Variants in TRIQK observed in about 807,000 individuals in gnomAD.
The protein encoded by TRIQK is triple QxxK/R motif-containing protein.
A neutral mutation model predicts 10.8 loss-of-function variants in TRIQK; 10 were observed. The observed-to-expected ratio is 0.92, with a 90% CI of 0.57 to 1.57. The LOEUF (loss-of-function observed/expected upper bound fraction) is 1.57, where lower values mean the gene tolerates loss of function less well. Ranked by LOEUF, TRIQK falls within the 40% of genes most tolerant of loss-of-function variation. The pLI, the probability that TRIQK is intolerant of heterozygous loss-of-function variation, is 0.00. For missense variants in TRIQK, 107 were observed against 97.7 expected (o/e 1.09, Z -0.40); for synonymous variants, 33 against 33.7 (o/e 0.98, Z 0.07).
At chr8:92,991,478 G>T (rs1207625021) in intron 1 of TRIQK, among the ~76,000 whole-genome samples, 1 of 152,136 alleles carries the variant, frequency 6.6e-6, no homozygotes, top group Non-Finnish European at 1.5e-5. Context: ...TCCAGCAGGG[G>T]TCGACTAGGT....
intron 3 of TRIQK, among the ~76,000 whole-genome samples, chr8:92,905,060 T>A (rs2130371763): frequency 6.6e-6 from 1 of 152,306 alleles, no homozygotes; most frequent in South Asian, 2.1e-4. Context: ...ACTCTTCTAC[T>A]AGGTATATGT....
chr8:92,941,047 T>C (rs7006482), intron 2 of TRIQK: 25,791 of 151,974 alleles, frequency 0.17, 2,414 homozygotes, highest in African/African-American at 0.25. Context: ...ATGAAGAAAT[T>C]AAAAGGGAAA....
intron 3 of TRIQK, among the ~76,000 whole-genome samples, chr8:92,916,534 T>C (rs1809858183): frequency 6.6e-6 from 1 of 152,086 alleles, no homozygotes; most frequent in Admixed American, 6.6e-5. Flanking sequence ...TTAGCATATT[T>C]TACAGGAGAA....
intron 1 of TRIQK, among the ~76,000 whole-genome samples, chr8:92,995,083 T>G (rs1244239523): frequency 1.3e-5 from 2 of 152,052 alleles, no homozygotes; most frequent in Non-Finnish European, 2.9e-5. Context: ...AATTCATTCC[T>G]TATTTGTTAG....
chr8:92,994,332 A>T (rs182344510), intron 1 of TRIQK, among the ~76,000 whole-genome samples: 2 of 151,116 alleles, frequency 1.3e-5, no homozygotes, highest in Non-Finnish European at 2.9e-5. Context: ...ATATATCCCT[A>T]GTGTCTATCT....
chr8:92,939,489 G>A (rs1037127317), intron 2 of TRIQK, among the ~76,000 whole-genome samples: 19 of 152,178 alleles, frequency 1.2e-4, no homozygotes, highest in Non-Finnish European at 2.4e-4. Context: ...AGACATGAAG[G>A]GATATCAGAG....
Position 92,993,600 on chromosome 8 carries a change from T to G in TRIQK, c.-181+24009A>C, listed in dbSNP as rs141638778. ...GTGAGCACAACTTTCTGCCATCAGG[T>G]AGGCAGAATAAAAGCCAACACCAAC... On this transcript the variant is annotated intron_variant, in intron 1 of 4. Coordinates refer to the TRIQK transcript ENST00000520686. Among the ~76,000 whole-genome samples, 529 of 152,298 alleles carry G rather than the reference T, an allele frequency of 3.5e-3. 4 individuals carry two copies. Among genetic ancestry groups the G allele is most frequent in the African/African-American group, 0.012 (504 of 41,566 alleles).
At position 93,011,103 on chromosome 8, in the gene TRIQK, G is replaced by A. The variant is rs1020983801; in HGVS notation, c.-181+6506C>T. 9.2e-5 allele frequency among the ~76,000 whole-genome samples: 14 copies of A among 151,650 alleles called. 1 individual carries two copies. Among genetic ancestry groups the A allele is most frequent in the Admixed American group, 5.9e-4 (9 of 15,208 alleles). ...AATGGTCATTCTGTGCTAATGGACC[G>A]TATAGGATTCTGAGTGTCACACATG... On this transcript the variant is annotated intron_variant, in intron 1 of 4. Transcript: ENST00000520686.
At chr8:93,017,322 G>C (rs1722998511) in intron 1 of TRIQK, among the ~76,000 whole-genome samples, 1 of 152,160 alleles carries the variant, frequency 6.6e-6, no homozygotes, top group Non-Finnish European at 1.5e-5. Flanking sequence ...AAGCAAAATA[G>C]CATCTGGAGA....
At chr8:92,981,271 T>G (rs926661789) in intron 1 of TRIQK, among the ~76,000 whole-genome samples, 4 of 151,880 alleles carry the variant, frequency 2.6e-5, no homozygotes, top group African/African-American at 9.7e-5. Context: ...CTTTGTAGTT[T>G]ATTAGTACAT....
chr8:92,999,763 A>G (rs941318329), intron 1 of TRIQK, among the ~76,000 whole-genome samples: 4 of 152,152 alleles, frequency 2.6e-5, no homozygotes, highest in Non-Finnish European at 5.9e-5. Flanking sequence ...ATGGTTTTTC[A>G]GAGACTTTGT....
chr8:92,963,043 T>C (rs1203411997), intron 1 of TRIQK, among the ~76,000 whole-genome samples: 2 of 152,192 alleles, frequency 1.3e-5, no homozygotes, highest in African/African-American at 4.8e-5. Context: ...GAAAGAGCTA[T>C]TATTGAGCCC....
At chr8:92,943,633 G>A (rs941499804) in intron 2 of TRIQK, among the ~76,000 whole-genome samples, 1 of 152,170 alleles carries the variant, frequency 6.6e-6, no homozygotes, top group African/African-American at 2.4e-5. Context: ...ACAGAAGAAT[G>A]AAGCTAGATT....
chr8:92,917,859 T>G (rs948810145), intron 2 of TRIQK, among the ~76,000 whole-genome samples: 3 of 151,988 alleles, frequency 2.0e-5, no homozygotes, highest in Non-Finnish European at 4.4e-5. Flanking sequence ...TTGTATCCCT[T>G]AACCAACTTC....
At chr8:92,963,016 A>C (rs1812537993) in intron 1 of TRIQK, among the ~76,000 whole-genome samples, 1 of 152,214 alleles carries the variant, frequency 6.6e-6, no homozygotes. Flanking sequence ...GTCTGTTTAC[A>C]AACGCAAGAG....
chr8:93,010,283 A>C (rs1813318853), intron 1 of TRIQK, among the ~76,000 whole-genome samples: 1 of 152,202 alleles, frequency 6.6e-6, no homozygotes, highest in Admixed American at 6.5e-5. Flanking sequence ...CTCACTACAC[A>C]GAAATGATGA....
chr8:92,913,518 G>A (rs2130435093), intron 3 of TRIQK, among the ~76,000 whole-genome samples: 1 of 152,314 alleles, frequency 6.6e-6, no homozygotes, highest in East Asian at 1.9e-4. Flanking sequence ...TACACTGTTG[G>A]TGGGAGTGCC....
chr8:92,943,312 G>GA (rs1811363535), intron 2 of TRIQK, among the ~76,000 whole-genome samples: 1 of 151,936 alleles, frequency 6.6e-6, no homozygotes, highest in Non-Finnish European at 1.5e-5. Flanking sequence ...CATACAAGTG[G>GA]AAAAAAACTA....
chr8:92,976,021 G>A (rs1178480948), intron 1 of TRIQK, among the ~76,000 whole-genome samples: 1 of 151,806 alleles, frequency 6.6e-6, no homozygotes, highest in Non-Finnish European at 1.5e-5. Context: ...TGCGGTTAGA[G>A]AATATACTTT....
Sources: gnomAD v4.1 joint callset for allele counts (sites outside exome capture counted in the v4.1 genomes callset) on GRCh38, gnomAD v4.1.1 for gene constraint, MANE v1.5 for transcripts, NCBI Gene and HGNC (gene_info 2026-07-23, HGNC 2026-07-21) for gene names.